FNTA: variants seen among roughly 807,000 people sequenced by gnomAD.
FNTA encodes the protein protein farnesyltransferase/geranylgeranyltransferase type-1 subunit alpha.
Under a neutral mutation model 55.2 loss-of-function variants are expected in FNTA, and 27 were observed. That is an observed-to-expected ratio of 0.49 (90% confidence interval 0.36 to 0.67). The LOEUF (loss-of-function observed/expected upper bound fraction) is 0.67. Among genes scored for constraint, FNTA ranks in the 30% least tolerant of loss-of-function variants. The pLI is 0.00. For synonymous variants in FNTA, 176 were observed against 170.7 expected (o/e 1.03, Z -0.24); for missense variants, 422 against 464.7 (o/e 0.91, Z 0.85).
rs1230289914 is a variant in FNTA, at chr8:43,056,441, A to G, written c.95A>G (p.Gln32Arg). The G allele has an allele frequency of 6.4e-7, 1 of 1,552,138 alleles. No individual in the cohort carries two copies. ...CCCCAGCCGCACCCACCGCCGCCCC[A>G]GCAGCAGCACAAGGAAGAGATGGCG... Reference protein sequence around the residue: ...PPPQPHPPPPQQQHKEEMAAE... With the variant: ...PPPQPHPPPPRQQHKEEMAAE... Residue 32 changes from glutamine to arginine, a missense_variant, in exon 1 of 9, where the codon CAG (glutamine) becomes CGG (arginine). Transcript: ENST00000302279.
chr8:43,082,357 G>T (rs1172098375), intron 6 of FNTA: 1 of 152,048 alleles, frequency 6.6e-6, no homozygotes, highest in African/African-American at 2.4e-5. Context: ...TTTATTCTTT[G>T]CCTATGTAAT....
chr8:43,056,442 G>C lies in FNTA; in HGVS notation c.96G>C (p.Gln32His), dbSNP rs980938534. 1 of 1,552,830 alleles carries C rather than the reference G, an allele frequency of 6.4e-7. No homozygotes were observed. The highest frequency in any genetic ancestry group is 1.4e-5 in the African/African-American group (1 of 70,850). Residue 32 changes from glutamine (Q) to histidine (H), a missense_variant, in exon 1 of 9, where the codon CAG becomes CAC. Coordinates refer to ENST00000302279, the MANE Select transcript of FNTA (RefSeq NM_002027.3). ...CCCAGCCGCACCCACCGCCGCCCCA[G>C]CAGCAGCACAAGGAAGAGATGGCGG... ...PPPQPHPPPP[Q>H]QQHKEEMAAE...
At chr8:43,080,855 A>G (rs1382628395) in intron 6 of FNTA, 1 of 152,238 alleles carries the variant, frequency 6.6e-6, no homozygotes, top group Non-Finnish European at 1.5e-5. Flanking sequence ...AAAATTGAAT[A>G]TGAAGAGTTT....
rs1186224564 is a variant in FNTA, at chr8:43,056,456, A to G, written c.110A>G (p.Glu37Gly). 6.4e-7 allele frequency: 1 copy of G among 1,566,414 alleles called. No individual in the cohort carries two copies. Among genetic ancestry groups the G allele is most frequent in the South Asian group, 1.2e-5 (1 of 84,424 alleles). Residue 37 changes from glutamate (E) to glycine (G), a missense_variant, in exon 1 of 9, where the codon GAA (glutamate) becomes GGA (glycine). By Grantham distance (98) the Glu-to-Gly change is moderately conservative. Transcript: ENST00000302279. Reference sequence around the variant, plus strand: ...CCGCCGCCCCAGCAGCAGCACAAGGAAGAGATGGCGGCCGAGGCTGGGGAA... The same window carrying G: ...CCGCCGCCCCAGCAGCAGCACAAGGGAGAGATGGCGGCCGAGGCTGGGGAA... ...HPPPPQQQHK[E>G]EMAAEAGEAV...
intron 4 of FNTA, among the ~76,000 whole-genome samples, chr8:43,070,931 C>T (rs1158521126): frequency 2.6e-5 from 4 of 152,148 alleles, no homozygotes; most frequent in African/African-American, 4.8e-5. Context: ...CACCAGCAAC[C>T]TGGAAAAATA....
At chr8:43,085,070 A>C in intron 8 of FNTA, 90 bp from the exon 9 acceptor site, 1 of 1,223,136 alleles carries the variant, frequency 8.2e-7, no homozygotes. Context: ...CTTCATTTGA[A>C]TGTGATTTGA....
intron 2 of FNTA, among the ~76,000 whole-genome samples, chr8:43,061,498 A>G (rs1382075409): frequency 6.6e-6 from 1 of 152,250 alleles, no homozygotes. Context: ...TATATATGTT[A>G]GCTACTATAA....
At chr8:43,071,039 G>A (rs1209178294) in intron 4 of FNTA, among the ~76,000 whole-genome samples, 1 of 152,132 alleles carries the variant, frequency 6.6e-6, no homozygotes, top group Non-Finnish European at 1.5e-5. Context: ...GTCTTAATCT[G>A]TAAGACGAAT....
chr8:43,080,828 G>A (rs558100342), intron 6 of FNTA: 3 of 152,222 alleles, frequency 2.0e-5, no homozygotes, highest in East Asian at 1.9e-4. Context: ...AGTAGTTAGC[G>A]GTAACAAAGC....
intron 6 of FNTA, 119 bp downstream of exon 6, chr8:43,077,483 G>GTAC: frequency 1.6e-6 from 1 of 630,112 alleles, no homozygotes; most frequent in Non-Finnish European, 2.7e-6. Flanking sequence ...AGAGGACAGA[G>GTAC]TACTGAGTGG....
chr8:43,062,967 G>A (rs1490906082), intron 2 of FNTA, among the ~76,000 whole-genome samples: 1 of 151,994 alleles, frequency 6.6e-6, no homozygotes, highest in Non-Finnish European at 1.5e-5. Context: ...TTTCTTTTCA[G>A]AGACAGGCTC....
intron 2 of FNTA, among the ~76,000 whole-genome samples, chr8:43,061,749 C>T (rs908126084): frequency 4.6e-5 from 7 of 151,134 alleles, no homozygotes; most frequent in Admixed American, 6.6e-5. Context: ...GATGGAGTTT[C>T]GCTCTTGTTG....
intron 4 of FNTA, chr8:43,070,111 G>A (rs902652472): frequency 6.6e-6 from 1 of 151,036 alleles, no homozygotes; most frequent in Non-Finnish European, 1.5e-5. Flanking sequence ...GAAATTAGCC[G>A]GGTGTGGTGG....
chr8:43,061,807 C>T (rs190332674), intron 2 of FNTA, among the ~76,000 whole-genome samples: 1 of 151,896 alleles, frequency 6.6e-6, no homozygotes, highest in Non-Finnish European at 1.5e-5. Context: ...GCGACCTCCG[C>T]CTCCCGGGTT....
chr8:43,085,139 A>G (rs770196104), intron 8 of FNTA, 21 bp from the exon 9 acceptor site: 3 of 1,508,618 alleles, frequency 2.0e-6, no homozygotes, highest in Non-Finnish European at 2.7e-6. Flanking sequence ...TATTACTTTA[A>G]TTTTTATTTT....
chr8:43,075,193 T>G (rs1810882467), intron 5 of FNTA, among the ~76,000 whole-genome samples: 1 of 152,208 alleles, frequency 6.6e-6, no homozygotes, highest in Non-Finnish European at 1.5e-5. Context: ...GTTTACTCTC[T>G]ATCCTTAGCA....
At chr8:43,081,123 TA>T (rs1360222490) in intron 6 of FNTA, 1 of 152,168 alleles carries the variant, frequency 6.6e-6, no homozygotes, top group East Asian at 1.9e-4. Context: ...TTTTTCTTTT[TA>T]TTATAAAAGT....
chr8:43,061,142 C>G (rs900768372), intron 2 of FNTA, among the ~76,000 whole-genome samples: 1 of 152,156 alleles, frequency 6.6e-6, no homozygotes, highest in African/African-American at 2.4e-5. Flanking sequence ...TGGGATTTTT[C>G]GAATGTTTAG....
At chr8:43,061,072 A>G (rs1810519077) in intron 2 of FNTA, among the ~76,000 whole-genome samples, 1 of 152,256 alleles carries the variant, frequency 6.6e-6, no homozygotes, top group South Asian at 2.1e-4. Flanking sequence ...GGCAGAAATG[A>G]AAACTGTCTT....
Sources: gnomAD v4.1 joint callset for allele counts (sites outside exome capture counted in the v4.1 genomes callset) on GRCh38, gnomAD v4.1.1 for gene constraint, MANE v1.5 for transcripts, NCBI Gene and HGNC (gene_info 2026-07-23, HGNC 2026-07-21) for gene names.